Variants in TEAD1 observed in about 807,000 individuals in gnomAD.
TEAD1 encodes the protein transcriptional enhancer factor TEF-1.
In TEAD1, 9 loss-of-function variants were observed where a neutral mutation model predicts 54.9. The observed-to-expected ratio is 0.16, with a 90% confidence interval of 0.10 to 0.29. The LOEUF is 0.29. Ranked by LOEUF, TEAD1 falls within the 10% of genes least tolerant of loss-of-function variation. TEAD1 has a pLI of 1.00. For missense variants in TEAD1, 387 were observed against 535.9 expected (o/e 0.72, Z 2.74); for synonymous variants, 200 against 187.8 (o/e 1.07, Z -0.53).
chr11:12,877,974 T>G (rs7126402), intron 5 of TEAD1, among the ~76,000 whole-genome samples: 139,984 of 150,826 alleles, frequency 0.93, 65,553 homozygotes, highest in Non-Finnish European at 0.99. Context: ...ATTTTTTTTT[T>G]TGTGTGTGTG....
chr11:12,843,400 C>CT (rs1355476825), intron 3 of TEAD1, among the ~76,000 whole-genome samples: 1 of 152,208 alleles, frequency 6.6e-6, no homozygotes, highest in Non-Finnish European at 1.5e-5. Context: ...CTACGAATTA[C>CT]TGTTAGTTTT....
At chr11:12,739,067 C>T (rs778094453) in intron 2 of TEAD1, among the ~76,000 whole-genome samples, 1 of 152,150 alleles carries the variant, frequency 6.6e-6, no homozygotes, top group Non-Finnish European at 1.5e-5. Flanking sequence ...TGGAAAGATA[C>T]AAGGGGTGAC....
intron 2 of TEAD1, among the ~76,000 whole-genome samples, chr11:12,757,249 G>A (rs1414470517): frequency 1.3e-5 from 2 of 152,026 alleles, no homozygotes; most frequent in Admixed American, 6.6e-5. Flanking sequence ...TCACCTCTTC[G>A]AATTTCTTCC....
intron 12 of TEAD1, among the ~76,000 whole-genome samples, chr11:12,934,918 A>G (rs1949072717): frequency 6.6e-6 from 1 of 152,102 alleles, no homozygotes. Context: ...TGAAACAGGT[A>G]CCTCTGAAAT....
At chr11:12,753,293 T>C (rs1341937265) in intron 2 of TEAD1, among the ~76,000 whole-genome samples, 1 of 152,228 alleles carries the variant, frequency 6.6e-6, no homozygotes, top group African/African-American at 2.4e-5. Context: ...GGATTTGGAA[T>C]TGCTGAATCA....
At chr11:12,815,221 C>G (rs1190167777) in intron 3 of TEAD1, among the ~76,000 whole-genome samples, 1 of 152,132 alleles carries the variant, frequency 6.6e-6, no homozygotes, top group Non-Finnish European at 1.5e-5. Flanking sequence ...GAAGACAGGC[C>G]TGCTGGGACT....
At chr11:12,718,383 A>G (rs1944109391) in intron 2 of TEAD1, among the ~76,000 whole-genome samples, 2 of 152,168 alleles carry the variant, frequency 1.3e-5, no homozygotes, top group Non-Finnish European at 2.9e-5. Context: ...CAAGATAATG[A>G]AAGTCAAAGT....
At chr11:12,677,218 A>G (rs1943114239) in intron 2 of TEAD1, among the ~76,000 whole-genome samples, 1 of 151,994 alleles carries the variant, frequency 6.6e-6, no homozygotes. Flanking sequence ...ACTTAATTAA[A>G]TTTAATTTAA....
chr11:12,878,981 C>T, intron 5 of TEAD1: 1 of 1,118,520 alleles, frequency 8.9e-7, no homozygotes, highest in South Asian at 1.4e-5. Flanking sequence ...TGTTGTTAGC[C>T]TTGGCTTTCC....
intron 2 of TEAD1, among the ~76,000 whole-genome samples, chr11:12,737,988 C>G (rs1395871041): frequency 2.0e-5 from 3 of 152,072 alleles, no homozygotes; most frequent in Non-Finnish European, 4.4e-5. Flanking sequence ...GAGAGCCAAG[C>G]AAAAGGGGAA....
intron 10 of TEAD1, among the ~76,000 whole-genome samples, chr11:12,908,885 T>TTTTTGTTTTTTGTTTTTTG (rs112602585): frequency 9.6e-5 from 14 of 145,312 alleles, no homozygotes; most frequent in Non-Finnish European, 1.2e-4. Context: ...AATTATCTGT[T>TTTTTGTTTTTTGTTTTTTG]TTTTTTTTTT....
rs550160625 is a variant in TEAD1 at position 12,796,164 on chromosome 11, A to AT, written c.202+31738dup. ...TATATAGCAAAGGAGACCACAGTGC[A>AT]TTTTTTTTCTGACTTTACCTCTTAC... On this transcript the variant is annotated intron_variant, in intron 3 of 12. Transcript: ENST00000527636. 2.6e-5 allele frequency among the ~76,000 whole-genome samples: 4 copies of AT among 152,088 alleles called. No homozygotes were observed. In the East Asian group the frequency reaches 5.8e-4, roughly 22 times the overall value.
At chr11:12,811,549 G>C (rs1420226041) in intron 3 of TEAD1, among the ~76,000 whole-genome samples, 2 of 152,186 alleles carry the variant, frequency 1.3e-5, no homozygotes, top group Admixed American at 6.5e-5. Flanking sequence ...GTCTGTGTGA[G>C]GGTTCGGCAT....
Position 12,883,016 on chromosome 11 carries a change from C to T in TEAD1, c.590C>T (p.Ser197Leu), listed in dbSNP as rs534634208. The change falls in exon 9 of 13, where the codon TCG becomes TTG. Residue 197 changes from serine (S) to leucine (L), a missense_variant. Ser to Leu is a moderately radical substitution (Grantham distance 145, BLOSUM62 -2). Coordinates refer to ENST00000527636, the MANE Select transcript of TEAD1 (RefSeq NM_021961.6). Reference sequence around the variant, plus strand: ...GCTCTTTCAGGGTTTGAGCCTGCATCGGCCCCAGCTCCCTCAGTCCCTGCC... The same window carrying T: ...GCTCTTTCAGGGTTTGAGCCTGCATTGGCCCCAGCTCCCTCAGTCCCTGCC... 1.2e-4 allele frequency: 197 copies of T among 1,614,058 alleles called. No homozygotes were observed. Among genetic ancestry groups the T allele is most frequent in the Middle Eastern group, 1.6e-4 (1 of 6,084 alleles).
At chr11:12,918,710 CTCT>C (rs753489772) in intron 10 of TEAD1, among the ~76,000 whole-genome samples, 1 of 152,170 alleles carries the variant, frequency 6.6e-6, no homozygotes, top group East Asian at 1.9e-4. Flanking sequence ...CATAGTAGCA[CTCT>C]TCTTAATAGG....
chr11:12,690,761 G>C (rs1943441580), intron 2 of TEAD1, among the ~76,000 whole-genome samples: 1 of 152,110 alleles, frequency 6.6e-6, no homozygotes, highest in African/African-American at 2.4e-5. Context: ...TGATACTCTA[G>C]TTCTGTTTTT....
chr11:12,766,654 G>A (rs1288152035), intron 3 of TEAD1, among the ~76,000 whole-genome samples: 1 of 152,160 alleles, frequency 6.6e-6, no homozygotes, highest in Non-Finnish European at 1.5e-5. Flanking sequence ...GGTACCCAGT[G>A]TAACTTAAAT....
At position 12,748,382 on chromosome 11, in the gene TEAD1, C is replaced by T. The variant is rs565331883; in HGVS notation, c.-54-15797C>T. ...CACCTGAAGGAGTGGAGTAGGTGGC[C>T]GGCTGTGTCCAGGCATCTTGGAGTG... On this transcript the variant is annotated intron_variant, in intron 2 of 12. Coordinates refer to ENST00000527636, the MANE Select transcript of TEAD1 (RefSeq NM_021961.6). Among the ~76,000 whole-genome samples the T allele has an allele frequency of 1.7e-4, 26 of 152,278 alleles. No homozygotes were observed. In the East Asian group the frequency reaches 2.5e-3, roughly 15 times the overall value.
At chr11:12,879,357 A>ATTT in intron 5 of TEAD1, 1 of 538,984 alleles carries the variant, frequency 1.9e-6, no homozygotes. Context: ...CAGGGCCTTT[A>ATTT]TTTTTTTTTC....
Sources: gnomAD v4.1 joint callset for allele counts (sites outside exome capture counted in the v4.1 genomes callset) on GRCh38, gnomAD v4.1.1 for gene constraint, MANE v1.5 for transcripts, NCBI Gene and HGNC (gene_info 2026-07-23, HGNC 2026-07-21) for gene names.